TSC22D3: variants seen among roughly 807,000 people sequenced by gnomAD.
TSC22D3 encodes the protein TSC22 domain family member 3.
A neutral mutation model predicts 11.1 loss-of-function variants in TSC22D3; 4 were observed. The observed-to-expected ratio is 0.36, with a 90% CI of 0.18 to 0.83. TSC22D3 has a LOEUF of 0.83. Among genes scored for constraint, TSC22D3 ranks in the 40% least tolerant of loss-of-function variants. TSC22D3 has a pLI of 0.48. For synonymous variants in TSC22D3, 77 were observed against 70.3 expected, an observed-to-expected ratio of 1.10 and a Z score of -0.48; for missense variants, 118 against 159.4, an observed-to-expected ratio of 0.74 and a Z score of 1.40.
rs762632778 is a variant in TSC22D3, at chrX:107,769,330, T to C, written c.320+5770A>G. Among the ~76,000 whole-genome samples, 10 of 112,832 alleles carry C rather than the reference T, an allele frequency of 8.9e-5. No homozygotes were observed. The East Asian group carries it at 2.8e-3, about 31-fold the overall frequency. On this transcript the variant is annotated intron_variant, in intron 1 of 2. Transcript: ENST00000372383. ...TTCAGCCATAAAAAGAATGAAGTAC[T>C]GATATGTGCTACAACATGGATGAAC...
intron 1 of TSC22D3, among the ~76,000 whole-genome samples, chrX:107,764,475 C>T (rs927573758): frequency 9.0e-6 from 1 of 111,649 alleles, no homozygotes; most frequent in Non-Finnish European, 1.9e-5. Context: ...CCCAGTTTAC[C>T]TGAGACTGCT....
In TSC22D3 at chrX:107,713,408, C is replaced by T. The variant is rs55822441; in HGVS notation, c.*1111G>A. 0.015 allele frequency: 1,661 copies of T among 112,293 alleles called. 12 individuals are homozygous for T. The highest frequency in any genetic ancestry group is 0.024 in the Non-Finnish European group (1,274 of 53,146). 9.3% of individuals were successfully genotyped at this position (112,293 alleles called of 1,213,427 possible). A position where few individuals can be genotyped will look rare whatever the true frequency, so the allele number is the denominator to read the frequency against. ...CAGGCTCCATTGGATCAAAGCCATCCCCTTGTTCATCCCTCATCCACAGTA... is the reference window on the plus strand; with the variant it reads ...CAGGCTCCATTGGATCAAAGCCATCTCCTTGTTCATCCCTCATCCACAGTA... On this transcript the variant is annotated 3_prime_UTR_variant, in exon 3 of 3. Transcript: ENST00000372383.
At chrX:107,726,015 C>T (rs1193083440) in intron 1 of TSC22D3, among the ~76,000 whole-genome samples, 3 of 111,372 alleles carry the variant, frequency 2.7e-5, no homozygotes, top group Admixed American at 9.5e-5. Flanking sequence ...GTGACTCATT[C>T]CCCCCTCAAA....
intron 1 of TSC22D3, among the ~76,000 whole-genome samples, chrX:107,726,896 C>T (rs767133612): frequency 8.9e-6 from 1 of 112,049 alleles, no homozygotes; most frequent in South Asian, 3.8e-4. Flanking sequence ...TCCTGGTCAA[C>T]AGTTCTGACA....
chrX:107,756,521 C>T (rs997711512), intron 1 of TSC22D3, among the ~76,000 whole-genome samples: 5 of 112,639 alleles, frequency 4.4e-5, no homozygotes, highest in South Asian at 3.6e-4. Context: ...TGGTCCCCAC[C>T]GCCAACAAGC....
intron 1 of TSC22D3, among the ~76,000 whole-genome samples, chrX:107,761,536 T>C (rs1929436947): frequency 8.9e-6 from 1 of 112,529 alleles, no homozygotes; most frequent in Non-Finnish European, 1.9e-5. Context: ...CATTAGTTCT[T>C]TCTTCTCTTC....
At chrX:107,765,855 C>G (rs1008284879) in intron 1 of TSC22D3, among the ~76,000 whole-genome samples, 17 of 112,195 alleles carry the variant, frequency 1.5e-4, no homozygotes, top group African/African-American at 4.2e-4. Flanking sequence ...ATTCTGTGAT[C>G]TGGGGGACTA....
chrX:107,724,601 T>G (rs139176060), intron 1 of TSC22D3, among the ~76,000 whole-genome samples: 1,834 of 112,615 alleles, frequency 0.016, 35 homozygotes, highest in African/African-American at 0.055. Flanking sequence ...AAGATAGCAA[T>G]GCAGGACACT....
At chrX:107,738,701 G>C (rs750245831) in intron 1 of TSC22D3, among the ~76,000 whole-genome samples, 2 of 113,067 alleles carry the variant, frequency 1.8e-5, no homozygotes, top group African/African-American at 3.2e-5. Context: ...GGGAGAACAG[G>C]CTACTCTGCT....
chrX:107,742,096 C>T (rs1010684509), intron 1 of TSC22D3, among the ~76,000 whole-genome samples: 1 of 110,317 alleles, frequency 9.1e-6, no homozygotes, highest in Non-Finnish European at 1.9e-5. Flanking sequence ...CCCAAGGAAC[C>T]TTGTCCCTCC....
chrX:107,714,475 TA>T lies in TSC22D3; in HGVS notation c.*43del. On this transcript the variant is annotated 3_prime_UTR_variant, in exon 3 of 3. Transcript: ENST00000372383. ...CAAAAACAAACTGGAAAGAACTAGG[TA>T]AAACAAGTTTAGTGGCTCTGCCCAC... The T allele has an allele frequency of 8.8e-7, 1 of 1,141,266 alleles. No individual in the cohort carries two copies. The highest frequency in any genetic ancestry group is 1.2e-6 in the Non-Finnish European group (1 of 845,417). The allele number at this position is 1,141,266 out of a possible 1,213,427, so 94.1% of individuals were successfully genotyped here. A position where few individuals can be genotyped will look rare whatever the true frequency, so the allele number is the denominator to read the frequency against.
chrX:107,717,044 G>A (rs1214714283), intron 1 of TSC22D3: 2 of 987,325 alleles, frequency 2.0e-6, no homozygotes, highest in East Asian at 4.4e-5. Context: ...CTCCACGGCC[G>A]CCAGTCCAAC....
chrX:107,732,923 C>T (rs898914654), intron 1 of TSC22D3, among the ~76,000 whole-genome samples: 1 of 110,026 alleles, frequency 9.1e-6, no homozygotes, highest in Non-Finnish European at 1.9e-5. Context: ...CATGACGAAA[C>T]GCCGTCTGTA....
At position 107,714,816 on chromosome X, in the gene TSC22D3, T is replaced by C. The variant is rs1322869269; in HGVS notation, c.373-67A>G. 6 of 1,056,599 alleles carry C rather than the reference T, an allele frequency of 5.7e-6. No homozygotes were observed. The African/African-American group carries it at 1.1e-4, about 19-fold the overall frequency. The allele number at this position is 1,056,599 out of a possible 1,213,427, so 87.1% of individuals were successfully genotyped here. A position where few individuals can be genotyped will look rare whatever the true frequency, so the allele number is the denominator to read the frequency against. ...CGTGGCCCCTCTGCAGCACCTTTGC[T>C]CTGTCATTGGTGTGCCTGTGCTGTC... is the stretch of plus-strand genomic sequence containing the variant. On this transcript the variant is annotated intron_variant, in intron 2 of 2. Coordinates refer to ENST00000372383, the MANE Select transcript of TSC22D3 (RefSeq NM_198057.3).
intron 1 of TSC22D3, among the ~76,000 whole-genome samples, chrX:107,752,698 A>G (rs757830606): frequency 1.2e-4 from 13 of 111,358 alleles, no homozygotes; most frequent in Non-Finnish European, 2.5e-4. Context: ...GTTAGGAGCC[A>G]CCTGGATGGA....
intron 1 of TSC22D3, among the ~76,000 whole-genome samples, chrX:107,738,905 A>C (rs1278591290): frequency 9.1e-6 from 1 of 110,415 alleles, no homozygotes; most frequent in African/African-American, 3.3e-5. Context: ...AACGGCACGC[A>C]GCAGGGGCTA....
intron 1 of TSC22D3, among the ~76,000 whole-genome samples, chrX:107,734,257 A>G (rs1261186622): frequency 5.3e-5 from 6 of 112,270 alleles, no homozygotes; most frequent in African/African-American, 1.6e-4. Flanking sequence ...TACAGTGTGT[A>G]TCTTAACAGC....
intron 1 of TSC22D3, chrX:107,716,545 T>TGGGGCCCC: frequency 1.3e-6 from 1 of 796,160 alleles, no homozygotes; most frequent in Non-Finnish European, 1.5e-6. Context: ...CCTTCCTGCG[T>TGGGGCCCC]CCCCTCCCCC....
chrX:107,755,589 C>T (rs1366966002), intron 1 of TSC22D3, among the ~76,000 whole-genome samples: 3 of 112,436 alleles, frequency 2.7e-5, no homozygotes, highest in Non-Finnish European at 5.6e-5. Context: ...CATATTTACA[C>T]GCAGCCTATC....
Sources: gnomAD v4.1 joint callset for allele counts (sites outside exome capture counted in the v4.1 genomes callset) on GRCh38, gnomAD v4.1.1 for gene constraint, MANE v1.5 for transcripts, NCBI Gene and HGNC (gene_info 2026-07-23, HGNC 2026-07-21) for gene names.